TRIM67: variants seen among roughly 807,000 people sequenced by gnomAD.
The protein encoded by TRIM67 is tripartite motif-containing protein 67.
TRIM67 carries 39 observed loss-of-function variants against 71.0 expected under a neutral mutation model. The observed-to-expected ratio is 0.55, with a 90% CI of 0.43 to 0.72. The LOEUF (loss-of-function observed/expected upper bound fraction) is 0.72. Ranked by LOEUF, TRIM67 falls within the 30% of genes least tolerant of loss-of-function variation. The pLI is 0.00. For synonymous variants in TRIM67, 481 were observed against 473.9 expected, an observed-to-expected ratio of 1.01 and a Z score of -0.19; for missense variants, 973 against 1,079.2, an observed-to-expected ratio of 0.90 and a Z score of 1.38.
chr1:231,204,161 C>A, intron 6 of TRIM67, 149 bp downstream of exon 6: 2 of 1,238,208 alleles, frequency 1.6e-6, no homozygotes, highest in Non-Finnish European at 2.2e-6. Context: ...AGAAGGCTGG[C>A]GGAGATGGGG....
rs746097685 is a variant in TRIM67 at position 231,163,724 on chromosome 1, AGCCGCCGCCGCC to A, written c.768_779del (p.Pro257_Pro260del). ...CCCTTCGCCAAGCATCGCCTGGTGC[AGCCGCCGCCGCC>A]GCCGCCGCCGCCCGCCGAGGCAGCC... On this transcript the variant is annotated inframe_deletion, in exon 1 of 10. Transcript: ENST00000366653. The A allele has an allele frequency of 1.5e-5, 22 of 1,492,358 alleles. No homozygotes were observed. Among genetic ancestry groups the A allele is most frequent in the Non-Finnish European group, 1.9e-5 (21 of 1,121,794 alleles). 92.4% of individuals were successfully genotyped at this position (1,492,358 alleles called of 1,614,324 possible).
At chr1:231,180,601 G>T (rs1682875093) in intron 1 of TRIM67, among the ~76,000 whole-genome samples, 1 of 152,162 alleles carries the variant, frequency 6.6e-6, no homozygotes, top group Non-Finnish European at 1.5e-5. Flanking sequence ...GAGGAAGGGG[G>T]TGATGGTGGA....
chr1:231,203,716 G>A lies in TRIM67; in HGVS notation c.1535-151G>A, dbSNP rs1052397733. 5.1e-6 allele frequency: 5 copies of A among 985,936 alleles called. No homozygotes were observed. The East Asian group carries it at 1.3e-4, about 26-fold the overall frequency. The allele number at this position is 985,936 out of a possible 1,614,324, so 61.1% of individuals were successfully genotyped here. ...CAGCCCACCTGGAGACTGACTCCTG[G>A]GCGTCTGGGAGTGACTACAGGGTGG... On this transcript the variant is annotated intron_variant, in intron 5 of 9. Coordinates refer to ENST00000366653, the MANE Select transcript of TRIM67 (RefSeq NM_001004342.5).
At chr1:231,185,996 G>A (rs1036584786) in intron 1 of TRIM67, 78 of 1,151,656 alleles carry the variant, frequency 6.8e-5, no homozygotes, top group Non-Finnish European at 9.4e-5. Context: ...GAAGGAGGTG[G>A]GTCTTCTGGA....
chr1:231,202,227 GTAGGAGAGGAGGGGGGGTA>G (rs1683568165), intron 5 of TRIM67, among the ~76,000 whole-genome samples: 3 of 126,512 alleles, frequency 2.4e-5, no homozygotes, highest in Non-Finnish European at 3.6e-5. Context: ...GGAGGAGGTA[GTAGGAGAGGAGGGGGGGTA>G]GTGGAGAAGG....
intron 1 of TRIM67, among the ~76,000 whole-genome samples, chr1:231,196,516 C>T (rs1036345537): frequency 6.6e-6 from 1 of 150,690 alleles, no homozygotes; most frequent in Admixed American, 6.6e-5. Flanking sequence ...GTTGAGGCTG[C>T]AGTGAGTCAT....
intron 1 of TRIM67, among the ~76,000 whole-genome samples, chr1:231,167,763 C>T (rs868588852): frequency 2.6e-5 from 4 of 152,052 alleles, no homozygotes; most frequent in Non-Finnish European, 4.4e-5. Context: ...CCAACTCTCA[C>T]GTCTTAAGGC....
intron 1 of TRIM67, among the ~76,000 whole-genome samples, chr1:231,191,935 T>G (rs1336304219): frequency 6.6e-6 from 1 of 152,178 alleles, no homozygotes; most frequent in Non-Finnish European, 1.5e-5. Context: ...GCACTCCAAC[T>G]CTGCTCAAGG....
Position 231,213,816 on chromosome 1 carries a change from A to G in TRIM67, c.2125A>G (p.Thr709Ala), listed in dbSNP as rs1571906416. 6.3e-7 allele frequency: 1 copy of G among 1,590,496 alleles called. No individual in the cohort carries two copies. Among genetic ancestry groups the G allele is most frequent in the South Asian group, 1.1e-5 (1 of 87,672 alleles). The change falls in exon 9 of 10, where the codon ACG (threonine) becomes GCG (alanine). Residue 709 changes from threonine (T) to alanine (A), a missense_variant and splice_region_variant. By Grantham distance (58) the Thr-to-Ala change is moderately conservative (BLOSUM62 0). This residue lies in a region of TRIM67 where 178 missense variants were observed against 247.9 expected (regional missense o/e 0.72). Transcript: ENST00000366653. The stretch of plus-strand genomic sequence containing the variant: ...TCTTCCTGGGGACTCTCTTCCCAGG[A>G]CGGAAGGTGGCGTGTGCAAGGGGGC... ...FMHCNSHTNRTEGGVCKGATV... is the reference protein window; with the variant it reads ...FMHCNSHTNRAEGGVCKGATV...
chr1:231,167,317 G>GTTTTTTTTTTTTTTTTTT (rs1340006817), intron 1 of TRIM67, among the ~76,000 whole-genome samples: 2 of 66,770 alleles, frequency 3.0e-5, no homozygotes, highest in African/African-American at 7.4e-5. Flanking sequence ...TCACTCTAAT[G>GTTTTTTTTTTTTTTTTTT]TCTTTTTTTT....
In TRIM67 at chr1:231,216,123, C is replaced by A; in HGVS notation, c.*683C>A. ...ATTGTGTTCTCTCTCTCTCTTCCTC[C>A]ATCCTTCATTTCTTCTCCCTCCCTC... is the stretch of plus-strand genomic sequence containing the variant. On this transcript the variant is annotated 3_prime_UTR_variant, in exon 10 of 10. Coordinates refer to ENST00000366653, the MANE Select transcript of TRIM67 (RefSeq NM_001004342.5). 1.0e-6 allele frequency: 1 copy of A among 984,002 alleles called. No individual in the cohort carries two copies. Among genetic ancestry groups the A allele is most frequent in the Non-Finnish European group, 1.2e-6 (1 of 828,810 alleles). 61.0% of individuals were successfully genotyped at this position (984,002 alleles called of 1,614,324 possible). A position where few individuals can be genotyped will look rare whatever the true frequency, so the allele number is the denominator to read the frequency against.
At chr1:231,213,624 G>A (rs1466589508) in intron 8 of TRIM67, among the ~76,000 whole-genome samples, 191 bp from the exon 9 acceptor site, 3 of 152,056 alleles carry the variant, frequency 2.0e-5, no homozygotes, top group Non-Finnish European at 4.4e-5. Context: ...CCAGCTACTC[G>A]GGAGGCTGAG....
At chr1:231,189,230 T>G (rs1220013117) in intron 1 of TRIM67, among the ~76,000 whole-genome samples, 7 of 152,192 alleles carry the variant, frequency 4.6e-5, no homozygotes, top group Non-Finnish European at 7.3e-5. Context: ...AAATGAGGTT[T>G]TTAAAAATGA....
In TRIM67 at chr1:231,183,167, A is replaced by G. The variant is rs145315706; in HGVS notation, c.1045-14204A>G. On this transcript the variant is annotated intron_variant, in intron 1 of 9. Coordinates refer to ENST00000366653, the MANE Select transcript of TRIM67 (RefSeq NM_001004342.5). Reference sequence around the variant, plus strand: ...CACCATCTCCACAAGCATGGACTATACCAAGGCTCAGCATGAATCACTAAT... The same window carrying G: ...CACCATCTCCACAAGCATGGACTATGCCAAGGCTCAGCATGAATCACTAAT... Among the ~76,000 whole-genome samples, 423 of 152,300 alleles carry G rather than the reference A, an allele frequency of 2.8e-3. 4 individuals carry two copies. Among genetic ancestry groups the G allele is most frequent in the South Asian group, 7.5e-3 (36 of 4,820 alleles).
chr1:231,197,586 G>GATTAC, intron 2 of TRIM67, 120 bp downstream of exon 2: 1 of 829,278 alleles, frequency 1.2e-6, no homozygotes, highest in Non-Finnish European at 1.9e-6. Flanking sequence ...AACACTTTGG[G>GATTAC]AGGCCGAGGC....
intron 1 of TRIM67, chr1:231,187,394 A>AT (rs1282689440): frequency 1.1e-5 from 10 of 938,106 alleles, no homozygotes; most frequent in African/African-American, 1.7e-5. Flanking sequence ...CTACCTTTTA[A>AT]TTTTTTTAAA....
intron 5 of TRIM67, among the ~76,000 whole-genome samples, chr1:231,201,856 G>A (rs1482764704): frequency 1.3e-4 from 20 of 152,254 alleles, no homozygotes; most frequent in South Asian, 2.1e-4. Context: ...GGTTGAACAA[G>A]TCTACCAACT....
chr1:231,204,173 T>A (rs530696355), intron 6 of TRIM67, among the ~76,000 whole-genome samples, 161 bp downstream of exon 6: 15 of 152,294 alleles, frequency 9.8e-5, no homozygotes, highest in African/African-American at 2.9e-4. Flanking sequence ...GAGATGGGGC[T>A]TCCCTCCCAA....
rs947883474 is a variant in TRIM67 at position 231,219,591 on chromosome 1, T to C, written c.*4151T>C. The C allele has an allele frequency of 2.7e-5, 30 of 1,131,168 alleles. No homozygotes were observed. Among genetic ancestry groups the C allele is most frequent in the Middle Eastern group, 4.2e-4 (1 of 2,398 alleles). 70.1% of individuals were successfully genotyped at this position (1,131,168 alleles called of 1,614,324 possible). A position where few individuals can be genotyped will look rare whatever the true frequency, so the allele number is the denominator to read the frequency against. On this transcript the variant is annotated 3_prime_UTR_variant, in exon 10 of 10. Coordinates refer to ENST00000366653, the MANE Select transcript of TRIM67 (RefSeq NM_001004342.5). ...ATTTTCACTCACTGAAGATGCCCCC[T>C]GCCCGCTCCCCACTTCCTAGAAAGC...
Sources: gnomAD v4.1 joint callset for allele counts (sites outside exome capture counted in the v4.1 genomes callset) on GRCh38, gnomAD v4.1.1 for gene constraint, gnomAD v4.1.1 regional missense constraint, MANE v1.5 for transcripts, NCBI Gene and HGNC (gene_info 2026-07-23, HGNC 2026-07-21) for gene names.